Variants in GTF3C1 observed in about 807,000 individuals in gnomAD.
The protein encoded by GTF3C1 is general transcription factor 3C polypeptide 1.
GTF3C1 carries 57 observed loss-of-function variants against 226.7 expected under a neutral mutation model. The ratio of observed to expected loss-of-function variants is 0.25; its 90% CI spans 0.20 to 0.31. The LOEUF (loss-of-function observed/expected upper bound fraction) is 0.31. GTF3C1 is among the 10% of genes least tolerant of loss of function. The pLI is 1.00. For synonymous variants in GTF3C1, 1,090 were observed against 1,084.8 expected, an observed-to-expected ratio of 1.00 and a Z score of -0.09; for missense variants, 2,217 against 2,776.1, an observed-to-expected ratio of 0.80 and a Z score of 4.53.
chr16:27,512,161 T>C (rs566602732), intron 6 of GTF3C1, among the ~76,000 whole-genome samples: 1 of 152,292 alleles, frequency 6.6e-6, no homozygotes, highest in South Asian at 2.1e-4. Flanking sequence ...CGAGGTGCTA[T>C]TAGTCCTGTT....
intron 12 of GTF3C1, among the ~76,000 whole-genome samples, chr16:27,499,236 C>A (rs1184207054): frequency 6.6e-6 from 1 of 152,244 alleles, no homozygotes; most frequent in African/African-American, 2.4e-5. Flanking sequence ...GGATTTAGAG[C>A]TGCTTTTGTT....
In GTF3C1 at chr16:27,488,295, C is replaced by G. The variant is rs2088174196; in HGVS notation, c.3632G>C (p.Gly1211Ala). The G allele has an allele frequency of 5.0e-6, 8 of 1,614,252 alleles. No homozygotes were observed. The highest frequency in any genetic ancestry group is 5.9e-6 in the Non-Finnish European group (7 of 1,180,036). The stretch of plus-strand genomic sequence containing the variant: ...CCGCTTCCGCTTCTGGCTTTTCCCA[C>G]CCCTCACTCTCCGGTTTCGGTCCAG... ...PSLDRNRRVR[G>A]GKSQKRKRLK... The change falls in exon 23 of 37, where the codon GGT becomes GCT. Residue 1211 changes from glycine to alanine, a missense_variant. Transcript: ENST00000356183.
In GTF3C1 at chr16:27,464,572, C is replaced by T. The variant is rs761929783; in HGVS notation, c.5620G>A (p.Asp1874Asn). Reference protein sequence around the residue: ...ASWASENGETDAEGTQMTPAK... With the variant: ...ASWASENGETNAEGTQMTPAK... Reference sequence around the variant, plus strand: ...GGGGTCATCTGGGTGCCCTCGGCGTCGGTCTCCCCATTCTCACTGGCCCAG... The same window carrying T: ...GGGGTCATCTGGGTGCCCTCGGCGTTGGTCTCCCCATTCTCACTGGCCCAG... Residue 1874 changes from aspartate to asparagine, a missense_variant, in exon 34 of 37, where the codon GAC (aspartate) becomes AAC (asparagine). Asp to Asn is a conservative substitution (Grantham distance 23, BLOSUM62 1). Coordinates refer to ENST00000356183, the MANE Select transcript of GTF3C1 (RefSeq NM_001520.4). The T allele has an allele frequency of 8.7e-6, 13 of 1,490,298 alleles. No homozygotes were observed. Among genetic ancestry groups the T allele is most frequent in the Admixed American group, 4.8e-5 (2 of 41,746 alleles). 92.3% of individuals were successfully genotyped at this position (1,490,298 alleles called of 1,614,324 possible).
Position 27,471,654 on chromosome 16 carries a change from C to T in GTF3C1, c.4526+94G>A, listed in dbSNP as rs528436748. 2.0e-6 allele frequency: 2 copies of T among 1,021,130 alleles called. No individual in the cohort carries two copies. Among genetic ancestry groups the T allele is most frequent in the East Asian group, 2.4e-5 (1 of 41,826 alleles). The allele number at this position is 1,021,130 out of a possible 1,614,324, so 63.3% of individuals were successfully genotyped here. ...AGGCTGCGAAGGTCCCTGGCTCCTA[C>T]ACGCTTTCATGGCCACAGTGCTTCC... is the stretch of plus-strand genomic sequence containing the variant. On this transcript the variant is annotated intron_variant, in intron 30 of 36. Coordinates refer to ENST00000356183, the MANE Select transcript of GTF3C1 (RefSeq NM_001520.4). The surrounding 1 kb of genome is among the most constrained non-coding windows in gnomAD (Gnocchi z 5.0).
At position 27,470,608 on chromosome 16, in the gene GTF3C1, C is replaced by G; in HGVS notation, c.4527-213G>C. The G allele has an allele frequency of 1.8e-6, 1 of 560,582 alleles. No individual in the cohort carries two copies. 34.7% of individuals were successfully genotyped at this position (560,582 alleles called of 1,614,324 possible). A position where few individuals can be genotyped will look rare whatever the true frequency, so the allele number is the denominator to read the frequency against. Reference sequence around the variant, plus strand: ...CTTCCCCGCTTGCCTGAGTACCTTCCGGGCAGAGTCCTGTCTCCTCATCTA... The same window carrying G: ...CTTCCCCGCTTGCCTGAGTACCTTCGGGGCAGAGTCCTGTCTCCTCATCTA... On this transcript the variant is annotated intron_variant, in intron 30 of 36. Transcript: ENST00000356183. The surrounding 1 kb of genome is among the most constrained non-coding windows in gnomAD (Gnocchi z 4.9).
chr16:27,522,863 T>C (rs2088770826), intron 6 of GTF3C1, among the ~76,000 whole-genome samples: 1 of 152,264 alleles, frequency 6.6e-6, no homozygotes, highest in South Asian at 2.1e-4. Context: ...GTTTTCTTAA[T>C]TTCATTTTCA....
In GTF3C1 at chr16:27,543,626, A is replaced by G. The variant is rs114009965; in HGVS notation, c.431+1688T>C. 7.0e-3 allele frequency among the ~76,000 whole-genome samples: 1,064 copies of G among 152,180 alleles called. 16 individuals carry two copies. The highest frequency in any genetic ancestry group is 0.024 in the African/African-American group (1,006 of 41,518). ...TTGCCCAGGCTAGTCTTTAACTCCC[A>G]GCCTCAAGTGATCCTCCTGCCTTGG... On this transcript the variant is annotated intron_variant, in intron 2 of 36. Transcript: ENST00000356183.
chr16:27,485,962 G>A, intron 24 of GTF3C1, 35 bp downstream of exon 24: 10 of 1,498,252 alleles, frequency 6.7e-6, no homozygotes, highest in Non-Finnish European at 9.1e-6. Flanking sequence ...TCCGAGTGAG[G>A]GGCAGGCCCA....
At chr16:27,482,527 G>A (rs753228674) in intron 26 of GTF3C1, 14 of 456,062 alleles carry the variant, frequency 3.1e-5, no homozygotes, top group East Asian at 1.4e-4. Context: ...CCTCCTTGGC[G>A]GAAAAGGTAG....
chr16:27,471,339 C>A lies in GTF3C1; in HGVS notation c.4526+409G>T, dbSNP rs1265475942. ...TGCCTGTCTGAATGCACCTCCGCAC[C>A]CCAATCCTGCACTGGCTGTTGGTGC... On this transcript the variant is annotated intron_variant, in intron 30 of 36. Coordinates refer to ENST00000356183, the MANE Select transcript of GTF3C1 (RefSeq NM_001520.4). This position sits in a 1 kb window ranked among gnomAD's most constrained non-coding sequence, Gnocchi z 5.0. Among the ~76,000 whole-genome samples the A allele has an allele frequency of 6.6e-6, 1 of 152,190 alleles. No homozygotes were observed. Among genetic ancestry groups the A allele is most frequent in the Non-Finnish European group, 1.5e-5 (1 of 68,040 alleles).
intron 29 of GTF3C1, among the ~76,000 whole-genome samples, chr16:27,472,185 CAG>C (rs1260535903): frequency 2.6e-5 from 4 of 152,146 alleles, no homozygotes; most frequent in African/African-American, 4.8e-5. Context: ...ACTGACGAGA[CAG>C]GGGGGCTATT....
At chr16:27,489,296 AC>A in intron 20 of GTF3C1, 118 bp from the exon 21 acceptor site, 1 of 1,117,596 alleles carries the variant, frequency 8.9e-7, no homozygotes, top group Non-Finnish European at 1.3e-6. Context: ...CCAGAAAAAC[AC>A]CCCACAGGTA....
At chr16:27,513,401 C>T (rs1030309546) in intron 6 of GTF3C1, among the ~76,000 whole-genome samples, 1 of 152,142 alleles carries the variant, frequency 6.6e-6, no homozygotes, top group Non-Finnish European at 1.5e-5. Context: ...TTGCAGTGAG[C>T]CAAGCTCGCA....
In GTF3C1 at chr16:27,464,492, T is replaced by G. The variant is rs2087753062; in HGVS notation, c.5700A>C (p.Gly1900=). The change falls in exon 34 of 37, where the codon GGA becomes GGC. Residue 1900 remains glycine (G), a synonymous_variant. Coordinates refer to ENST00000356183, the MANE Select transcript of GTF3C1 (RefSeq NM_001520.4). ...DSNLAPSLGP[G]AEDGAEAQAP... ...CCTGGGCTTCTGCCCCATCTTCAGCTCCGGGCCCAAGGCTGGGGGCCAAAT... is the reference window on the plus strand; with the variant it reads ...CCTGGGCTTCTGCCCCATCTTCAGCGCCGGGCCCAAGGCTGGGGGCCAAAT... The G allele has an allele frequency of 6.5e-7, 1 of 1,539,292 alleles. No homozygotes were observed. The highest frequency in any genetic ancestry group is 1.3e-5 in the South Asian group (1 of 78,836).
chr16:27,487,934 T>G (rs187793868), intron 23 of GTF3C1, among the ~76,000 whole-genome samples: 1 of 152,228 alleles, frequency 6.6e-6, no homozygotes, highest in Non-Finnish European at 1.5e-5. Flanking sequence ...GACATTTTTT[T>G]CAGCTGAGAT....
Position 27,470,301 on chromosome 16 carries a change from G to T in GTF3C1, c.4621C>A (p.Arg1541Ser), listed in dbSNP as rs918573439. 2 of 1,613,402 alleles carry T rather than the reference G, an allele frequency of 1.2e-6. No homozygotes were observed. Among genetic ancestry groups the T allele is most frequent in the Admixed American group, 1.7e-5 (1 of 60,002 alleles). The change falls in exon 31 of 37, where the codon CGT (arginine) becomes AGT (serine). Residue 1541 changes from arginine to serine, a missense_variant. Arg to Ser is a moderately radical substitution (Grantham distance 110, BLOSUM62 -1). This residue lies in a region of GTF3C1 where 546 missense variants were observed against 663.0 expected (regional missense o/e 0.82). Transcript: ENST00000356183. This position sits in a 1 kb window ranked among gnomAD's most constrained non-coding sequence, Gnocchi z 4.9. Reference protein sequence around the residue: ...RAAGKLDQPDRFSFKDQDNNE... With the variant: ...RAAGKLDQPDSFSFKDQDNNE... The stretch of plus-strand genomic sequence containing the variant: ...TTATCCTGGTCTTTGAAAGAGAAAC[G>T]ATCAGGCTGGTCCAACTTGCCGGCA...
rs768634660 is a variant in GTF3C1 at position 27,495,203 on chromosome 16, C to T, written c.2632+8G>A. 6.3e-7 allele frequency: 1 copy of T among 1,597,454 alleles called. No homozygotes were observed. On this transcript the variant is annotated splice_region_variant and intron_variant, in intron 15 of 36. Coordinates refer to ENST00000356183, the MANE Select transcript of GTF3C1 (RefSeq NM_001520.4). ...GCCCCAGGTGCAGGAGTGGCAGGGG[C>T]CTCTCACCTGTCTCCGTGGCAAGCT...
chr16:27,529,825 C>T (rs1208015252), intron 5 of GTF3C1, among the ~76,000 whole-genome samples: 1 of 152,216 alleles, frequency 6.6e-6, no homozygotes, highest in African/African-American at 2.4e-5. Flanking sequence ...CTTTGCGCTC[C>T]CCAATCAGAC....
chr16:27,479,779 T>G (rs1246822878), intron 27 of GTF3C1, among the ~76,000 whole-genome samples: 2 of 152,164 alleles, frequency 1.3e-5, no homozygotes, highest in Non-Finnish European at 2.9e-5. Context: ...TTGGAACCAT[T>G]TTCTATTCTG....
Sources: allele counts gnomAD v4.1 joint callset (sites outside exome capture counted in the v4.1 genomes callset), GRCh38; gene constraint gnomAD v4.1.1; regional missense constraint gnomAD v4.1.1; non-coding constraint Gnocchi (gnomAD v3.1); transcripts MANE v1.5; gene names NCBI Gene and HGNC (gene_info 2026-07-23, HGNC 2026-07-21).